RUNX2: variants seen among roughly 807,000 people sequenced by gnomAD.
The protein encoded by RUNX2 is runt-related transcription factor 2.
Under a neutral mutation model 51.7 loss-of-function variants are expected in RUNX2, and 10 were observed. The ratio of observed to expected loss-of-function variants is 0.19; its 90% CI spans 0.12 to 0.33. The LOEUF (loss-of-function observed/expected upper bound fraction) is 0.33, where lower values mean the gene tolerates loss of function less well. Among genes scored for constraint, RUNX2 ranks in the 10% least tolerant of loss-of-function variants. The pLI, the probability that RUNX2 is intolerant of heterozygous loss-of-function variation, is 1.00. For missense variants in RUNX2, 562 were observed against 691.3 expected (o/e 0.81, Z 2.10); for synonymous variants, 276 against 273.6 (o/e 1.01, Z -0.09).
intron 2 of RUNX2, among the ~76,000 whole-genome samples, chr6:45,400,227 G>A (rs1367958295): frequency 6.6e-6 from 1 of 151,652 alleles, no homozygotes; most frequent in African/African-American, 2.4e-5. Flanking sequence ...GGGAAGGAAG[G>A]AAGGAAGGAA....
rs1798241220 is a variant in RUNX2, at chr6:45,422,717, GCAGCAGCAGCAA to G, written c.195_206del (p.Gln68_Gln71del). On this transcript the variant is annotated inframe_deletion, in exon 3 of 9. Coordinates refer to ENST00000647337, the MANE Select transcript of RUNX2 (RefSeq NM_001024630.4). ...AACAGCAGCAGCAGCAACAGCAGCA[GCAGCAGCAGCAA>G]CAGCAGCAGCAGCAGCAGGAGGCGG... The G allele has an allele frequency of 1.9e-6, 3 of 1,593,654 alleles. No individual in the cohort carries two copies. The highest frequency in any genetic ancestry group is 1.1e-5 in the South Asian group (1 of 88,762).
chr6:45,437,271 A>T (rs1157116297), intron 4 of RUNX2, among the ~76,000 whole-genome samples: 1 of 152,214 alleles, frequency 6.6e-6, no homozygotes, highest in Non-Finnish European at 1.5e-5. Flanking sequence ...TTTAGCAAAA[A>T]GTAAGTCGCT....
chr6:45,330,245 T>C (rs893771378), intron 2 of RUNX2, among the ~76,000 whole-genome samples: 1 of 151,920 alleles, frequency 6.6e-6, no homozygotes, highest in Admixed American at 6.6e-5. Flanking sequence ...CAAGTATTAC[T>C]CTAAAAACTT....
rs531116693 is a variant in RUNX2, at chr6:45,338,928, G to C, written c.58+10144G>C. 7.7e-4 allele frequency among the ~76,000 whole-genome samples: 117 copies of C among 152,082 alleles called. 1 individual carries two copies. Among genetic ancestry groups the C allele is most frequent in the Middle Eastern group, 3.4e-3 (1 of 294 alleles). On this transcript the variant is annotated intron_variant, in intron 2 of 8. Coordinates refer to ENST00000647337, the MANE Select transcript of RUNX2 (RefSeq NM_001024630.4). Reference sequence around the variant, plus strand: ...CTTGCCTCATACAAATTCTAGTCCTGAGCTGAAGACACATAAGTATAAACT... The same window carrying C: ...CTTGCCTCATACAAATTCTAGTCCTCAGCTGAAGACACATAAGTATAAACT...
At position 45,544,595 on chromosome 6, in the gene RUNX2, G is replaced by A. The variant is rs141117127; in HGVS notation, c.1022-622G>A. On this transcript the variant is annotated intron_variant, in intron 7 of 8. Coordinates refer to ENST00000647337, the MANE Select transcript of RUNX2 (RefSeq NM_001024630.4). ...ACTTCTGCAGGGGGCACACGTTGGCGTTTTAAGTGCGACTTCTTTCTGATA... is the reference window on the plus strand; with the variant it reads ...ACTTCTGCAGGGGGCACACGTTGGCATTTTAAGTGCGACTTCTTTCTGATA... Among the ~76,000 whole-genome samples the A allele has an allele frequency of 2.3e-3, 353 of 152,316 alleles. 1 individual carries two copies. Among genetic ancestry groups the A allele is most frequent in the African/African-American group, 8.0e-3 (334 of 41,570 alleles).
chr6:45,460,329 T>C (rs182541146), intron 5 of RUNX2, among the ~76,000 whole-genome samples: 160 of 152,250 alleles, frequency 1.1e-3, no homozygotes, highest in African/African-American at 3.8e-3. Context: ...AAGAAGAATG[T>C]CACCAACTGT....
chr6:45,450,730 G>A (rs1055930067), intron 5 of RUNX2, among the ~76,000 whole-genome samples: 3 of 152,136 alleles, frequency 2.0e-5, no homozygotes, highest in African/African-American at 7.2e-5. Context: ...GAGACATCAA[G>A]GCAAAAGGTA....
intron 2 of RUNX2, among the ~76,000 whole-genome samples, chr6:45,407,643 C>T (rs1343229461): frequency 6.6e-6 from 1 of 151,934 alleles, no homozygotes; most frequent in African/African-American, 2.4e-5. Context: ...CAGGAACATG[C>T]CAACCAAGCC....
Position 45,422,837 on chromosome 6 carries a change from C to A in RUNX2, c.303C>A (p.Thr101=), listed in dbSNP as rs752571746. 2.5e-5 allele frequency: 41 copies of A among 1,610,226 alleles called. No homozygotes were observed. The South Asian group carries it at 4.3e-4, about 17-fold the overall frequency. The change falls in exon 3 of 9, where the codon ACC becomes ACA. Residue 101 remains threonine, a synonymous_variant. Transcript: ENST00000647337. The part of the protein sequence containing the change: ...PRLRPPHDNR[T]MVEIIADHPA... The stretch of plus-strand genomic sequence containing the variant: ...TGCGGCCGCCCCACGACAACCGCAC[C>A]ATGGTGGAGATCATCGCCGACCACC...
chr6:45,431,415 A>G (rs572954430), intron 3 of RUNX2, among the ~76,000 whole-genome samples: 2 of 152,274 alleles, frequency 1.3e-5, no homozygotes, highest in Non-Finnish European at 2.9e-5. Context: ...ATCTTCTCCC[A>G]TAAAGTTGAC....
chr6:45,433,034 A>C (rs190334116), intron 4 of RUNX2, among the ~76,000 whole-genome samples: 4 of 152,312 alleles, frequency 2.6e-5, no homozygotes, highest in Admixed American at 2.6e-4. Flanking sequence ...TCAGATGTCA[A>C]ATTATTACCA....
intron 6 of RUNX2, among the ~76,000 whole-genome samples, chr6:45,510,289 CT>C (rs1230113321): frequency 6.6e-6 from 1 of 152,148 alleles, no homozygotes; most frequent in Non-Finnish European, 1.5e-5. Context: ...TATAGTACTG[CT>C]TTTTTATTCA....
intron 5 of RUNX2, among the ~76,000 whole-genome samples, chr6:45,457,311 T>C (rs1381886927): frequency 6.6e-6 from 1 of 152,058 alleles, no homozygotes; most frequent in Non-Finnish European, 1.5e-5. Flanking sequence ...GCTTAACCTT[T>C]CCCAACAGAA....
chr6:45,490,108 C>T (rs1002915627), intron 5 of RUNX2, among the ~76,000 whole-genome samples: 10 of 152,120 alleles, frequency 6.6e-5, no homozygotes, highest in Non-Finnish European at 2.9e-5. Context: ...AGTCGGCAGC[C>T]GAGGACCATA....
intron 5 of RUNX2, among the ~76,000 whole-genome samples, chr6:45,450,123 G>A (rs778206310): frequency 1.1e-4 from 16 of 152,192 alleles, no homozygotes; most frequent in Non-Finnish European, 2.1e-4. Context: ...TCAAAGGAGA[G>A]CGAATAACTG....
Position 45,546,970 on chromosome 6 carries a change from G to A in RUNX2, c.1231G>A (p.Gly411Ser). 6.2e-7 allele frequency: 1 copy of A among 1,613,830 alleles called. No individual in the cohort carries two copies. Among genetic ancestry groups the A allele is most frequent in the Non-Finnish European group, 8.5e-7 (1 of 1,179,970 alleles). ...GCCAGTCACCTCAGGCATGTCCCTC[G>A]GTATGTCCGCCACCACTCACTACCA... ...TPPVTSGMSLGMSATTHYHTY... is the reference protein window; with the variant it reads ...TPPVTSGMSLSMSATTHYHTY... Residue 411 changes from glycine (G) to serine (S), a missense_variant, in exon 9 of 9, where the codon GGT becomes AGT. By Grantham distance (56) the Gly-to-Ser change is moderately conservative. Transcript: ENST00000647337.
In RUNX2 at chr6:45,545,267, A is replaced by T; in HGVS notation, c.1072A>T (p.Lys358Ter). The change falls in exon 8 of 9, where the codon AAG becomes TAG. Residue 358 changes from lysine (K) to a stop codon, truncating the protein, a stop_gained. Coordinates refer to ENST00000647337, the MANE Select transcript of RUNX2 (RefSeq NM_001024630.4). LOFTEE classifies it high-confidence loss of function. ...CTGCCTCTGGCCTTCCACTCTCAGT[A>T]AGAAGAGCCAGGCAGGTGAGACTTT... ...DFCLWPSTLS[K>*]KSQAGASELG... 6.4e-7 allele frequency: 1 copy of T among 1,550,608 alleles called. No homozygotes were observed. Among genetic ancestry groups the T allele is most frequent in the African/African-American group, 1.4e-5 (1 of 73,146 alleles).
chr6:45,431,738 G>A, intron 3 of RUNX2, 125 bp from the exon 4 acceptor site: 1 of 1,074,064 alleles, frequency 9.3e-7, no homozygotes. Flanking sequence ...ATTCCTGTCG[G>A]CCATTACTGG....
At chr6:45,511,258 T>A (rs1405408014) in intron 6 of RUNX2, among the ~76,000 whole-genome samples, 3 of 152,144 alleles carry the variant, frequency 2.0e-5, no homozygotes, top group African/African-American at 7.2e-5. Flanking sequence ...TCCAAGAAAC[T>A]CCTAGAGATA....
Sources: allele counts gnomAD v4.1 joint callset (sites outside exome capture counted in the v4.1 genomes callset), GRCh38; gene constraint gnomAD v4.1.1; transcripts MANE v1.5; gene names NCBI Gene and HGNC (gene_info 2026-07-23, HGNC 2026-07-21).